Variants in TMEM131 observed in about 807,000 individuals in gnomAD.
TMEM131 encodes transmembrane protein 131.
TMEM131 carries 66 observed loss-of-function variants against 211.6 expected under a neutral mutation model. That is an observed-to-expected ratio of 0.31 (90% CI 0.26 to 0.38). TMEM131 has a LOEUF of 0.38. TMEM131 is among the 10% of genes least tolerant of loss of function. TMEM131 has a pLI of 1.00. For missense variants in TMEM131, 2,036 were observed against 2,299.3 expected (o/e 0.89, Z 2.34); for synonymous variants, 844 against 841.3 (o/e 1.00, Z -0.06).
At chr2:97,801,752 G>A (rs1226171334) in intron 25 of TMEM131, 143 bp downstream of exon 25, 1 of 497,494 alleles carries the variant, frequency 2.0e-6, no homozygotes, top group African/African-American at 2.0e-5. Context: ...TTTTGCCTCT[G>A]AAATAATTAC....
rs562016686 is a variant in TMEM131 at position 97,776,147 on chromosome 2, G to A, written c.4145-129C>T. 2.5e-4 allele frequency: 221 copies of A among 875,846 alleles called. 1 individual carries two copies. The highest frequency in any genetic ancestry group is 3.3e-4 in the Non-Finnish European group (196 of 590,372). 54.3% of individuals were successfully genotyped at this position (875,846 alleles called of 1,614,324 possible). A position where few individuals can be genotyped will look rare whatever the true frequency, so the allele number is the denominator to read the frequency against. ...TGGCTCACTGCAAGCTCCGCCTCCCGGGTTCACACCATTCTCCTGCCTCAG... is the reference window on the plus strand; with the variant it reads ...TGGCTCACTGCAAGCTCCGCCTCCCAGGTTCACACCATTCTCCTGCCTCAG... On this transcript the variant is annotated intron_variant, in intron 31 of 40. Coordinates refer to ENST00000186436, the MANE Select transcript of TMEM131 (RefSeq NM_015348.2).
intron 31 of TMEM131, among the ~76,000 whole-genome samples, chr2:97,787,379 T>C (rs1680302316): frequency 6.6e-6 from 1 of 152,202 alleles, no homozygotes; most frequent in Non-Finnish European, 1.5e-5. Flanking sequence ...TCTGAACATA[T>C]GTGGTCCCAC....
At chr2:97,811,900 A>C (rs1390023335) in intron 17 of TMEM131, among the ~76,000 whole-genome samples, 1 of 152,154 alleles carries the variant, frequency 6.6e-6, no homozygotes, top group Non-Finnish European at 1.5e-5. Flanking sequence ...TGAAACTAAT[A>C]AATTTGTTTT....
At chr2:97,821,890 T>A (rs1185749898) in intron 11 of TMEM131, among the ~76,000 whole-genome samples, 1 of 152,166 alleles carries the variant, frequency 6.6e-6, no homozygotes. Flanking sequence ...ATCTTCCACT[T>A]TTCCTGTACT....
intron 11 of TMEM131, among the ~76,000 whole-genome samples, chr2:97,820,943 C>T (rs950322758): frequency 2.6e-5 from 4 of 151,432 alleles, no homozygotes; most frequent in African/African-American, 9.7e-5. Flanking sequence ...GTTAATTTTG[C>T]TTTTTTTCCC....
intron 4 of TMEM131, among the ~76,000 whole-genome samples, chr2:97,881,781 C>T (rs1674945905): frequency 6.7e-6 from 1 of 148,850 alleles, no homozygotes; most frequent in South Asian, 2.1e-4. Context: ...TTAAGAGGGG[C>T]CATTCTGTAT....
At chr2:97,879,569 A>T (rs999435557) in intron 4 of TMEM131, among the ~76,000 whole-genome samples, 1 of 152,200 alleles carries the variant, frequency 6.6e-6, no homozygotes, top group African/African-American at 2.4e-5. Context: ...CTCTTGAACA[A>T]TATGGGTTTG....
At chr2:97,959,251 T>C (rs981507210) in intron 1 of TMEM131, among the ~76,000 whole-genome samples, 5 of 151,290 alleles carry the variant, frequency 3.3e-5, no homozygotes, top group South Asian at 2.1e-4. Context: ...AAGGGAGAAA[T>C]AGAAGGAGCT....
intron 1 of TMEM131, among the ~76,000 whole-genome samples, chr2:97,943,053 G>GAAAA (rs1320631396): frequency 3.0e-5 from 2 of 66,136 alleles, no homozygotes; most frequent in South Asian, 6.2e-4. Context: ...AAGAAAGAAA[G>GAAAA]AAAGAAAGAA....
chr2:97,787,448 GAGAATCACCAAC>G (rs370765762), intron 31 of TMEM131, among the ~76,000 whole-genome samples: 112 of 152,352 alleles, frequency 7.4e-4, no homozygotes, highest in African/African-American at 2.5e-3. Context: ...ACAACCTCCA[GAGAATCACCAAC>G]TGTGACCTCC....
rs1303685032 is a variant in TMEM131 at position 97,842,028 on chromosome 2, T to C, written c.601-91A>G. 13 of 1,177,858 alleles carry C rather than the reference T, an allele frequency of 1.1e-5. No homozygotes were observed. In the African/African-American group the frequency reaches 1.4e-4, roughly 13 times the overall value. 73.0% of individuals were successfully genotyped at this position (1,177,858 alleles called of 1,614,324 possible). A position where few individuals can be genotyped will look rare whatever the true frequency, so the allele number is the denominator to read the frequency against. ...TGACTGATCTAGGGAGACTGGCAAA[T>C]CTAATTTATGTATAAAAAATTAACA... is the stretch of plus-strand genomic sequence containing the variant. On this transcript the variant is annotated intron_variant, in intron 6 of 40. Coordinates refer to ENST00000186436, the MANE Select transcript of TMEM131 (RefSeq NM_015348.2).
Position 97,927,410 on chromosome 2 carries a change from C to A in TMEM131, c.249+16G>T. ...TCAAGGCTTAACAATAACTTGTCTA[C>A]TTAAAAAAAAATTACCTGTAGTAGC... On this transcript the variant is annotated intron_variant, in intron 2 of 40. Transcript: ENST00000186436. 1 of 1,575,556 alleles carries A rather than the reference C, an allele frequency of 6.3e-7. No individual in the cohort carries two copies. Among genetic ancestry groups the A allele is most frequent in the Non-Finnish European group, 8.6e-7 (1 of 1,162,494 alleles).
At chr2:97,803,680 A>G (rs1462501451) in intron 22 of TMEM131, among the ~76,000 whole-genome samples, 1 of 152,342 alleles carries the variant, frequency 6.6e-6, no homozygotes, top group South Asian at 2.1e-4. Flanking sequence ...AGGATCAGGG[A>G]GAATATCACA....
At chr2:97,829,916 G>A (rs1311066931) in intron 11 of TMEM131, among the ~76,000 whole-genome samples, 1 of 152,044 alleles carries the variant, frequency 6.6e-6, no homozygotes, top group African/African-American at 2.4e-5. Flanking sequence ...AGCAAAGCAA[G>A]GATGTTTGTT....
chr2:97,888,738 G>A (rs781577436), intron 3 of TMEM131, among the ~76,000 whole-genome samples: 7 of 152,056 alleles, frequency 4.6e-5, no homozygotes, highest in Non-Finnish European at 8.8e-5. Flanking sequence ...ACAACATCAG[G>A]GCCTAACGCT....
intron 31 of TMEM131, among the ~76,000 whole-genome samples, chr2:97,782,291 G>A (rs1680047792): frequency 6.6e-6 from 1 of 152,206 alleles, no homozygotes; most frequent in Non-Finnish European, 1.5e-5. Flanking sequence ...GAGGACAGCA[G>A]GAAACCAGCA....
chr2:97,851,175 T>G (rs961066519), intron 5 of TMEM131, among the ~76,000 whole-genome samples: 5 of 151,980 alleles, frequency 3.3e-5, no homozygotes, highest in Non-Finnish European at 7.4e-5. Flanking sequence ...ACTCCTAAAT[T>G]TCTATTTCTA....
At chr2:97,773,247 G>T (rs953245540) in intron 32 of TMEM131, among the ~76,000 whole-genome samples, 2 of 152,198 alleles carry the variant, frequency 1.3e-5, no homozygotes, top group Non-Finnish European at 2.9e-5. Flanking sequence ...ATCAATGGGA[G>T]GGGCTGTTTG....
At position 97,797,075 on chromosome 2, in the gene TMEM131, C is replaced by A. The variant is rs1680802592; in HGVS notation, c.2871-89G>T. On this transcript the variant is annotated intron_variant, in intron 26 of 40. Coordinates refer to ENST00000186436, the MANE Select transcript of TMEM131 (RefSeq NM_015348.2). ...ATTTCTACTGTTATTTTACAGAGCA[C>A]CACATAGAAATTAAATTTAATGGTG... is the stretch of plus-strand genomic sequence containing the variant. 3.0e-6 allele frequency: 4 copies of A among 1,318,894 alleles called. No homozygotes were observed. The South Asian group carries it at 5.7e-5, about 19-fold the overall frequency. 81.7% of individuals were successfully genotyped at this position (1,318,894 alleles called of 1,614,324 possible).
Sources: gnomAD v4.1 joint callset for allele counts (sites outside exome capture counted in the v4.1 genomes callset) on GRCh38, gnomAD v4.1.1 for gene constraint, MANE v1.5 for transcripts, NCBI Gene and HGNC (gene_info 2026-07-23, HGNC 2026-07-21) for gene names.